The following PEX6 variants were observed in gnomAD, a reference collection of about 807,000 sequenced individuals.
The protein encoded by PEX6 is peroxisomal biogenesis factor 6, also known as peroxisome biogenesis factor 6.
PEX6 carries 55 observed loss-of-function variants against 85.6 expected under a neutral mutation model. The observed-to-expected ratio is 0.64, with a 90% confidence interval of 0.52 to 0.80. The LOEUF (loss-of-function observed/expected upper bound fraction) is 0.80, where lower values mean the gene tolerates loss of function less well. Among genes scored for constraint, PEX6 ranks in the 30% least tolerant of loss-of-function variants. PEX6 has a pLI of 0.00. For synonymous variants in PEX6, 519 were observed against 549.1 expected (o/e 0.95, Z 0.77); for missense variants, 1,099 against 1,260.3 (o/e 0.87, Z 1.94).
chr6:42,970,692 C>CT (rs1770031626), intron 3 of PEX6, among the ~76,000 whole-genome samples: 1 of 152,116 alleles, frequency 6.6e-6, no homozygotes, highest in Admixed American at 6.5e-5. Context: ...GAATTGTATA[C>CT]TTTAAAAGTA....
In PEX6 at chr6:42,965,268, G is replaced by T. The variant is rs1769725500; in HGVS notation, c.2572C>A (p.Leu858Ile). 1 of 1,613,926 alleles carries T rather than the reference G, an allele frequency of 6.2e-7. No individual in the cohort carries two copies. Among genetic ancestry groups the T allele is most frequent in the Non-Finnish European group, 8.5e-7 (1 of 1,179,770 alleles). ...GGGGCCCACCTGCCAGGCCGCAGAA[G>T]GGCAGGGTCCAGGAGATCTGGTCTG... is the stretch of plus-strand genomic sequence containing the variant. ...TNRPDLLDPA[L>I]LRPGRFDKLV... is the part of the protein sequence containing the mutation. The change falls in exon 14 of 17, where the codon CTT (leucine) becomes ATT (isoleucine). Residue 858 changes from leucine (L) to isoleucine (I), a missense_variant. This residue lies in a region of PEX6 where 514 missense variants were observed against 627.0 expected (regional missense o/e 0.82). Transcript: ENST00000304611. The surrounding 1 kb of genome is among the most constrained non-coding windows in gnomAD (Gnocchi z 5.0).
chr6:42,969,102 T>C (rs1581764942), intron 5 of PEX6, 117 bp from the exon 6 acceptor site: 2 of 735,902 alleles, frequency 2.7e-6, no homozygotes, highest in East Asian at 5.4e-5. Flanking sequence ...TCCTTGAGCC[T>C]CCCTGACCCC....
In PEX6 at chr6:42,968,425, G is replaced by A; in HGVS notation, c.1553C>T (p.Ala518Val). 6.2e-7 allele frequency: 1 copy of A among 1,612,680 alleles called. No individual in the cohort carries two copies. Among genetic ancestry groups the A allele is most frequent in the Non-Finnish European group, 8.5e-7 (1 of 1,179,402 alleles). ...CAGGACTGCAGGCCGGCAACGGCGG[G>A]CCCGGGAGAAGATGGCCTGCAGTTT... Reference protein sequence around the residue: ...ETKLQAIFSRARRCRPAVLLL... With the variant: ...ETKLQAIFSRVRRCRPAVLLL... The change falls in exon 7 of 17, where the codon GCC (alanine) becomes GTC (valine). Residue 518 changes from alanine (A) to valine (V), a missense_variant. Coordinates refer to ENST00000304611, the MANE Select transcript of PEX6 (RefSeq NM_000287.4).
rs1181573346 is a variant in PEX6, at chr6:42,966,964, G to GT, written c.1885-107dup. 559 of 584,644 alleles carry GT rather than the reference G, an allele frequency of 9.6e-4. 2 individuals carry two copies. Among genetic ancestry groups the GT allele is most frequent in the East Asian group, 2.8e-3 (81 of 29,154 alleles). 36.2% of individuals were successfully genotyped at this position (584,644 alleles called of 1,614,324 possible). A position where few individuals can be genotyped will look rare whatever the true frequency, so the allele number is the denominator to read the frequency against. The stretch of plus-strand genomic sequence containing the variant: ...GGCCCTCTGTTGATGCCTTAGGTTT[G>GT]TTGTTTTTTTTTTTTTTTTTTTTTT... On this transcript the variant is annotated intron_variant, in intron 8 of 16. Transcript: ENST00000304611.
At position 42,965,222 on chromosome 6, in the gene PEX6, G is replaced by A; in HGVS notation, c.2588+30C>T. The A allele has an allele frequency of 6.2e-7, 1 of 1,606,590 alleles. No homozygotes were observed. The highest frequency in any genetic ancestry group is 1.1e-5 in the South Asian group (1 of 90,938). On this transcript the variant is annotated intron_variant, in intron 14 of 16. Transcript: ENST00000304611. This position sits in a 1 kb window ranked among gnomAD's most constrained non-coding sequence, Gnocchi z 5.0. ...GAGGGGTGAAGGAGGCACAAAATGA[G>A]GGTGGAGATGAGCAGTACAAGGGGC...
In PEX6 at chr6:42,969,932, G is replaced by GTC; in HGVS notation, c.1184_1185dup (p.Pro396AspfsTer22). 1 of 1,614,208 alleles carries GTC rather than the reference G, an allele frequency of 6.2e-7. No homozygotes were observed. Among genetic ancestry groups the GTC allele is most frequent in the South Asian group, 1.1e-5 (1 of 91,088 alleles). Reference sequence around the variant, plus strand: ...GTGTCGGCCAAGTAGGCACTGGCTGGTCCATCTGGAGCTTCCCCAACTGTT... The same window carrying GTC: ...GTGTCGGCCAAGTAGGCACTGGCTGGTCTCCATCTGGAGCTTCCCCAACTGTT... On this transcript the variant is annotated frameshift_variant, in exon 4 of 17. Coordinates refer to ENST00000304611, the MANE Select transcript of PEX6 (RefSeq NM_000287.4). LOFTEE classifies it high-confidence loss of function.
At chr6:42,973,427 C>CT (rs1424414405) in intron 3 of PEX6, among the ~76,000 whole-genome samples, 2 of 151,824 alleles carry the variant, frequency 1.3e-5, no homozygotes, top group Admixed American at 6.6e-5. Context: ...GAGACAGTGT[C>CT]TAGCTATATT....
chr6:42,967,912 G>T (rs1769899664), intron 7 of PEX6, among the ~76,000 whole-genome samples: 1 of 151,556 alleles, frequency 6.6e-6, no homozygotes, highest in South Asian at 2.1e-4. Flanking sequence ...GGACTGAAAG[G>T]CTGAAAAGTA....
At chr6:42,978,026 G>C (rs1770377218) in intron 1 of PEX6, among the ~76,000 whole-genome samples, 1 of 151,590 alleles carries the variant, frequency 6.6e-6, no homozygotes, top group Admixed American at 6.6e-5. Flanking sequence ...CATTTTTTTA[G>C]TAGAGACGGG....
intron 3 of PEX6, among the ~76,000 whole-genome samples, chr6:42,973,469 T>A (rs945171818): frequency 1.3e-5 from 2 of 152,190 alleles, no homozygotes; most frequent in Non-Finnish European, 2.9e-5. Context: ...GGATTATAAG[T>A]ATGCACTACC....
Position 42,963,900 on chromosome 6 carries a change from T to C in PEX6, c.*435A>G. ...CCTGCATGCATTGTGTTTATTTATG[T>C]CAGAAGGATCAGGCTCCCATGCTGC... is the stretch of plus-strand genomic sequence containing the variant. On this transcript the variant is annotated 3_prime_UTR_variant, in exon 17 of 17. Transcript: ENST00000304611. 1.6e-6 allele frequency: 1 copy of C among 609,564 alleles called. No individual in the cohort carries two copies. The highest frequency in any genetic ancestry group is 3.0e-6 in the Non-Finnish European group (1 of 338,464). 37.8% of individuals were successfully genotyped at this position (609,564 alleles called of 1,614,324 possible).
rs1043410816 is a variant in PEX6, at chr6:42,974,463, T to G, written c.1047-377A>C. Among the ~76,000 whole-genome samples, 33 of 137,664 alleles carry G rather than the reference T, an allele frequency of 2.4e-4. 1 individual carries two copies. The highest frequency in any genetic ancestry group is 1.4e-3 in the East Asian group (7 of 4,982). The allele number at this position is 137,664 out of a possible 152,430, so 90.3% of individuals were successfully genotyped here. A position where few individuals can be genotyped will look rare whatever the true frequency, so the allele number is the denominator to read the frequency against. On this transcript the variant is annotated intron_variant, in intron 2 of 16. Coordinates refer to ENST00000304611, the MANE Select transcript of PEX6 (RefSeq NM_000287.4). ...AAATGTTTTTTTTGTTTTTTTTTTT[T>G]TTTTTTTTTTTTGAGACGGAGTCTC...
Position 42,964,305 on chromosome 6 carries a change from C to A in PEX6, c.*30G>T. On this transcript the variant is annotated 3_prime_UTR_variant, in exon 17 of 17. Transcript: ENST00000304611. This position sits in a 1 kb window ranked among gnomAD's most constrained non-coding sequence, Gnocchi z 4.6. Reference sequence around the variant, plus strand: ...GGCTATCAAGGTACCTGCAGCCATGCTGAGCGGGGTCCCAGACCCTGGGGG... The same window carrying A: ...GGCTATCAAGGTACCTGCAGCCATGATGAGCGGGGTCCCAGACCCTGGGGG... 6.2e-7 allele frequency: 1 copy of A among 1,612,770 alleles called. No individual in the cohort carries two copies. The highest frequency in any genetic ancestry group is 8.5e-7 in the Non-Finnish European group (1 of 1,179,578).
Position 42,967,489 on chromosome 6 carries a change from G to A in PEX6, c.1763C>T (p.Pro588Leu). The change falls in exon 8 of 17, where the codon CCT becomes CTT. Residue 588 changes from proline to leucine, a missense_variant. Physicochemically the swap from Pro to Leu is moderately conservative, Grantham distance 98 (BLOSUM62 -3). Around this residue, in one of 3 missense-constraint regions of PEX6, gnomAD observed 514 missense variants for 627.0 expected, o/e 0.82. Transcript: ENST00000304611. ...CAGAGCAGGCACCTCGAGCTCATGA[G>A]GAAATGCTGTCTGCACATCAGCAGG... ...DLPADVQTAF[P>L]HELEVPALSE... 1 of 1,610,674 alleles carries A rather than the reference G, an allele frequency of 6.2e-7. No individual in the cohort carries two copies. Among genetic ancestry groups the A allele is most frequent in the Non-Finnish European group, 8.5e-7 (1 of 1,178,810 alleles).
chr6:42,977,292 G>T (rs180713218), intron 1 of PEX6, among the ~76,000 whole-genome samples: 2 of 128,944 alleles, frequency 1.6e-5, no homozygotes, highest in Non-Finnish European at 3.1e-5. Flanking sequence ...TCGCTCTGTC[G>T]TCCAGGCTGG....
intron 1 of PEX6, among the ~76,000 whole-genome samples, chr6:42,977,981 T>G (rs372440897): frequency 1.7e-4 from 26 of 151,414 alleles, no homozygotes; most frequent in African/African-American, 6.0e-4. Flanking sequence ...GTAGCTGGGA[T>G]TAGAGGCATG....
At position 42,969,607 on chromosome 6, in the gene PEX6, G is replaced by A. The variant is rs1769986215; in HGVS notation, c.1367+61C>T. 6.9e-6 allele frequency: 11 copies of A among 1,603,762 alleles called. No homozygotes were observed. The South Asian group carries it at 1.1e-4, about 16-fold the overall frequency. The stretch of plus-strand genomic sequence containing the variant: ...ATTAGGAACTACCCATCTGGCTGCT[G>A]CTCCTCCAGGGATGTTCTAAGCAGG... On this transcript the variant is annotated intron_variant, in intron 5 of 16. Coordinates refer to ENST00000304611, the MANE Select transcript of PEX6 (RefSeq NM_000287.4).
chr6:42,972,987 T>TA (rs1318030340), intron 3 of PEX6, among the ~76,000 whole-genome samples: 8 of 152,106 alleles, frequency 5.3e-5, no homozygotes, highest in Non-Finnish European at 1.2e-4. Context: ...AACTCTTCTT[T>TA]AAAAAGAAAA....
intron 7 of PEX6, among the ~76,000 whole-genome samples, chr6:42,967,939 C>T (rs532187629): frequency 2.8e-5 from 4 of 140,918 alleles, no homozygotes; most frequent in South Asian, 2.3e-4. Context: ...CTGGCCCCCC[C>T]GCTCCCCCTT....
Sources: gnomAD v4.1 joint callset for allele counts (sites outside exome capture counted in the v4.1 genomes callset) on GRCh38, gnomAD v4.1.1 for gene constraint, gnomAD v4.1.1 regional missense constraint, Gnocchi (gnomAD v3.1) non-coding constraint, MANE v1.5 for transcripts, NCBI Gene and HGNC (gene_info 2026-07-23, HGNC 2026-07-21) for gene names.